The following RPGR variants were observed in gnomAD, a reference collection of about 807,000 sequenced individuals.
The protein encoded by RPGR is X-linked retinitis pigmentosa GTPase regulator.
A neutral mutation model predicts 56.3 loss-of-function variants in RPGR; 10 were observed. That is an observed-to-expected ratio of 0.18 (90% confidence interval 0.11 to 0.30). RPGR has a LOEUF of 0.30. Ranked by LOEUF, RPGR falls within the 10% of genes least tolerant of loss-of-function variation. The pLI, the probability that RPGR is intolerant of heterozygous loss-of-function variation, is 1.00. For synonymous variants in RPGR, 197 were observed against 212.9 expected (o/e 0.93, Z 0.65); for missense variants, 538 against 590.9 (o/e 0.91, Z 0.93).
intron 11 of RPGR, among the ~76,000 whole-genome samples, chrX:38,292,637 G>T (rs1281649694): frequency 8.9e-6 from 1 of 111,874 alleles, no homozygotes; most frequent in African/African-American, 3.2e-5. Flanking sequence ...ATTTTTTATC[G>T]TCTATATTTA....
chrX:38,318,485 A>G (rs1232090509), intron 5 of RPGR, among the ~76,000 whole-genome samples: 1 of 111,198 alleles, frequency 9.0e-6, no homozygotes, highest in Non-Finnish European at 1.9e-5. Context: ...TGTTTCTGAC[A>G]GCAACTTCAG....
At chrX:38,296,616 G>A (rs911176699) in intron 11 of RPGR, among the ~76,000 whole-genome samples, 14 of 111,586 alleles carry the variant, frequency 1.3e-4, no homozygotes, top group Non-Finnish European at 2.1e-4. Context: ...GTTTCTAGAG[G>A]TGCTGGGCTC....
intron 3 of RPGR, among the ~76,000 whole-genome samples, chrX:38,322,309 T>C (rs1203236558): frequency 6.2e-5 from 7 of 112,068 alleles, no homozygotes; most frequent in Non-Finnish European, 1.3e-4. Context: ...GGGTATTATA[T>C]ATCTAATATT....
intron 13 of RPGR, among the ~76,000 whole-genome samples, chrX:38,289,582 C>CT (rs1160256473): frequency 1.8e-5 from 2 of 112,023 alleles, no homozygotes; most frequent in African/African-American, 6.5e-5. Context: ...TGAGTTAGGC[C>CT]TAGGAAGAGG....
chrX:38,313,192 A>AC (rs1302650008), intron 6 of RPGR, among the ~76,000 whole-genome samples: 1 of 111,191 alleles, frequency 9.0e-6, no homozygotes, highest in Non-Finnish European at 1.9e-5. Context: ...CTCAAATACC[A>AC]CCCTTTCTCT....
chrX:38,275,381 TCTC>T (rs1349165183), intron 16 of RPGR, among the ~76,000 whole-genome samples: 2 of 111,542 alleles, frequency 1.8e-5, no homozygotes, highest in Admixed American at 1.9e-4. Context: ...ACTCAAGAAT[TCTC>T]CTCAAAGAAG....
intron 15 of RPGR, among the ~76,000 whole-genome samples, chrX:38,277,364 G>A (rs973400513): frequency 4.5e-5 from 5 of 111,654 alleles, no homozygotes; most frequent in African/African-American, 9.7e-5. Flanking sequence ...TAATCCAAAC[G>A]ATAAAAGAGG....
At chrX:38,315,163 C>T (rs889449145) in intron 6 of RPGR, among the ~76,000 whole-genome samples, 1 of 110,994 alleles carries the variant, frequency 9.0e-6, no homozygotes, top group African/African-American at 3.3e-5. Flanking sequence ...AACCCTGTCG[C>T]TATTAAAAAT....
At chrX:38,302,657 A>G (rs2067522217) in intron 8 of RPGR, 1 of 111,282 alleles carries the variant, frequency 9.0e-6, no homozygotes, top group Non-Finnish European at 1.9e-5. Context: ...CTGCATACTA[A>G]GCAAATCCAA....
chrX:38,326,410 C>A (rs1317969164), intron 1 of RPGR, among the ~76,000 whole-genome samples: 1 of 111,716 alleles, frequency 9.0e-6, no homozygotes, highest in Non-Finnish European at 1.9e-5. Flanking sequence ...AAAATCAATT[C>A]AGTGGATCAC....
chrX:38,285,240 A>G lies in RPGR; in HGVS notation c.1905+1854T>C, dbSNP rs1293023258. 1.1e-5 allele frequency: 10 copies of G among 936,269 alleles called. No individual in the cohort carries two copies. In the African/African-American group the frequency reaches 1.8e-4, roughly 17 times the overall value. 77.2% of individuals were successfully genotyped at this position (936,269 alleles called of 1,213,427 possible). On this transcript the variant is annotated intron_variant, in intron 15 of 18. Coordinates refer to ENST00000642395, the MANE Select transcript of RPGR (RefSeq NM_000328.3). The stretch of plus-strand genomic sequence containing the variant: ...CTCTTGTAGTATATTCCTGTTTCCT[A>G]AAGCTGCCTTTAATGAATATATAAT...
At chrX:38,285,003 A>C in intron 15 of RPGR, 2 of 754,996 alleles carry the variant, frequency 2.6e-6, no homozygotes, top group Non-Finnish European at 3.1e-6. Flanking sequence ...AACACATAAA[A>C]GGTGAAAGAC....
chrX:38,285,686 T>A lies in RPGR; in HGVS notation c.1905+1408A>T. 8.3e-7 allele frequency: 1 copy of A among 1,211,497 alleles called. No individual in the cohort carries two copies. Among genetic ancestry groups the A allele is most frequent in the Non-Finnish European group, 1.1e-6 (1 of 895,451 alleles). ...CCCTGTGTGTTAGTAACTGACTTTT[T>A]TTGATATGTTTTATGTTTGCCATAT... On this transcript the variant is annotated intron_variant, in intron 15 of 18. Transcript: ENST00000642395.
rs1373574012 is a variant in RPGR at position 38,327,331 on chromosome X, G to T, written c.28+9C>A. 2 of 1,186,271 alleles carry T rather than the reference G, an allele frequency of 1.7e-6. No individual in the cohort carries two copies. On this transcript the variant is annotated intron_variant, in intron 1 of 18. Coordinates refer to ENST00000642395, the MANE Select transcript of RPGR (RefSeq NM_000328.3). ...CCGGCCTTCCGCCACCGGCGCGGGC[G>T]CAACTCACCGGGCATCAGCTCTTCC...
At chrX:38,289,169 C>T in intron 13 of RPGR, among the ~76,000 whole-genome samples, 1 of 111,701 alleles carries the variant, frequency 9.0e-6, no homozygotes, top group East Asian at 2.8e-4. Context: ...GAATAGTCCA[C>T]TCCTAGAACT....
chrX:38,301,574 A>G (rs900561380), intron 8 of RPGR, among the ~76,000 whole-genome samples: 5 of 111,476 alleles, frequency 4.5e-5, no homozygotes, highest in Non-Finnish European at 7.5e-5. Flanking sequence ...TTCTGAGAAT[A>G]AATCAATTAA....
In RPGR at chrX:38,317,495, G is replaced by C. The variant is rs780586981; in HGVS notation, c.470-30C>G. The C allele has an allele frequency of 4.4e-6, 5 of 1,149,184 alleles. No individual in the cohort carries two copies. The Admixed American group carries it at 9.0e-5, about 21-fold the overall frequency. 94.7% of individuals were successfully genotyped at this position (1,149,184 alleles called of 1,213,427 possible). A position where few individuals can be genotyped will look rare whatever the true frequency, so the allele number is the denominator to read the frequency against. On this transcript the variant is annotated intron_variant, in intron 5 of 18. Coordinates refer to ENST00000642395, the MANE Select transcript of RPGR (RefSeq NM_000328.3). ...AAAGAAAAATAAAAGGGGGAGAAAAGGTTTTAAAAGGTAGCCAGGCTCTGA... is the reference window on the plus strand; with the variant it reads ...AAAGAAAAATAAAAGGGGGAGAAAACGTTTTAAAAGGTAGCCAGGCTCTGA...
chrX:38,281,130 T>C (rs2067022081), intron 15 of RPGR, among the ~76,000 whole-genome samples: 2 of 112,830 alleles, frequency 1.8e-5, no homozygotes, highest in Admixed American at 9.4e-5. Context: ...ATAGAATATC[T>C]TGCTGGCGAG....
intron 6 of RPGR, among the ~76,000 whole-genome samples, chrX:38,315,132 C>G (rs373167485): frequency 9.0e-6 from 1 of 111,325 alleles, no homozygotes; most frequent in African/African-American, 3.3e-5. Flanking sequence ...AAGTTCAAGA[C>G]CAGCCTGACC....
Sources: gnomAD v4.1 joint callset for allele counts (sites outside exome capture counted in the v4.1 genomes callset) on GRCh38, gnomAD v4.1.1 for gene constraint, MANE v1.5 for transcripts, NCBI Gene and HGNC (gene_info 2026-07-23, HGNC 2026-07-21) for gene names.